The following PDE4D variants were observed in gnomAD, a reference collection of about 807,000 sequenced individuals.
PDE4D encodes the protein phosphodiesterase 4D.
In PDE4D, 24 loss-of-function variants were observed where a neutral mutation model predicts 87.4. That is an observed-to-expected ratio of 0.27 (90% CI 0.20 to 0.39). PDE4D has a LOEUF of 0.39. Ranked by LOEUF, PDE4D falls within the 10% of genes least tolerant of loss-of-function variation. The pLI is 1.00. For missense variants in PDE4D, 714 were observed against 1,041.0 expected, an observed-to-expected ratio of 0.69 and a Z score of 4.32; for synonymous variants, 384 against 383.2, an observed-to-expected ratio of 1.00 and a Z score of -0.02.
chr5:59,914,498 T>G (rs1753784155), intron 3 of PDE4D, among the ~76,000 whole-genome samples: 2 of 151,228 alleles, frequency 1.3e-5, no homozygotes, highest in Non-Finnish European at 2.9e-5. Context: ...TGGAGCAAGT[T>G]GAGGGAGAGA....
chr5:59,385,217 G>C (rs2153604970), intron 1 of PDE4D, among the ~76,000 whole-genome samples: 1 of 152,204 alleles, frequency 6.6e-6, no homozygotes, highest in Admixed American at 6.5e-5. Flanking sequence ...TATTTCCCGT[G>C]TTGATTATTG....
chr5:59,001,424 G>A (rs1034750821), intron 6 of PDE4D, among the ~76,000 whole-genome samples: 2 of 152,010 alleles, frequency 1.3e-5, no homozygotes, highest in Non-Finnish European at 2.9e-5. Flanking sequence ...GTTTCTATTG[G>A]CCTTTAGCTG....
At chr5:59,319,034 T>TA (rs1236320879) in intron 1 of PDE4D, among the ~76,000 whole-genome samples, 1 of 152,010 alleles carries the variant, frequency 6.6e-6, no homozygotes, top group Non-Finnish European at 1.5e-5. Flanking sequence ...GGTATTTAGT[T>TA]AAAAAATCAA....
At chr5:60,358,211 A>G (rs1313414581) in intron 1 of PDE4D, among the ~76,000 whole-genome samples, 1 of 152,198 alleles carries the variant, frequency 6.6e-6, no homozygotes, top group East Asian at 1.9e-4. Flanking sequence ...GTGAGGACTC[A>G]GGTGCAGTAA....
intron 1 of PDE4D, among the ~76,000 whole-genome samples, chr5:59,357,425 A>G (rs112412255): frequency 0.02 from 3,065 of 152,266 alleles, 114 homozygotes; most frequent in African/African-American, 0.07. Context: ...TTCTTAGCCA[A>G]CCTTCCACAG....
chr5:60,204,396 T>G (rs1408809253), intron 1 of PDE4D, among the ~76,000 whole-genome samples: 1 of 152,208 alleles, frequency 6.6e-6, no homozygotes, highest in East Asian at 1.9e-4. Context: ...GGAATAATCC[T>G]ATTTCCAATC....
At chr5:59,792,294 A>C (rs1765881138) in intron 1 of PDE4D, among the ~76,000 whole-genome samples, 1 of 152,204 alleles carries the variant, frequency 6.6e-6, no homozygotes, top group Non-Finnish European at 1.5e-5. Flanking sequence ...CCACAGTAGA[A>C]CCAATACGTG....
At chr5:59,713,758 TG>T (rs1754563597) in intron 1 of PDE4D, among the ~76,000 whole-genome samples, 1 of 152,134 alleles carries the variant, frequency 6.6e-6, no homozygotes, top group African/African-American at 2.4e-5. Context: ...GAGAAAGCAC[TG>T]AAGCAGCTGG....
At chr5:59,531,687 T>C (rs1339158826) in intron 1 of PDE4D, among the ~76,000 whole-genome samples, 2 of 152,134 alleles carry the variant, frequency 1.3e-5, no homozygotes, top group Non-Finnish European at 2.9e-5. Context: ...CCAACAAAGT[T>C]GCATCTGTCT....
At chr5:59,128,810 T>G (rs919121251) in intron 5 of PDE4D, among the ~76,000 whole-genome samples, 2 of 152,210 alleles carry the variant, frequency 1.3e-5, no homozygotes, top group African/African-American at 2.4e-5. Context: ...ACATATGAAA[T>G]GTGCAACATA....
chr5:60,463,729 A>G (rs572878355), intron 1 of PDE4D, among the ~76,000 whole-genome samples: 2 of 152,260 alleles, frequency 1.3e-5, no homozygotes, highest in African/African-American at 4.8e-5. Context: ...TCCCAGAAAG[A>G]GCTGAAGATG....
intron 3 of PDE4D, among the ~76,000 whole-genome samples, chr5:59,954,845 A>G (rs960138746): frequency 7.9e-5 from 12 of 152,232 alleles, no homozygotes; most frequent in African/African-American, 2.7e-4. Flanking sequence ...CTGACGATGT[A>G]ATAAGTGCAC....
chr5:59,833,754 C>T (rs1379981072), intron 1 of PDE4D, among the ~76,000 whole-genome samples: 1 of 151,820 alleles, frequency 6.6e-6, no homozygotes, highest in Non-Finnish European at 1.5e-5. Flanking sequence ...CAGATCTGGT[C>T]TCCTGAAAAA....
chr5:60,411,408 A>G (rs977548635), intron 1 of PDE4D, among the ~76,000 whole-genome samples: 3 of 152,186 alleles, frequency 2.0e-5, no homozygotes, highest in South Asian at 4.1e-4. Context: ...TATTACCACC[A>G]CTGTATGACA....
chr5:59,037,538 A>T (rs1298312964), intron 6 of PDE4D, among the ~76,000 whole-genome samples: 6 of 152,224 alleles, frequency 3.9e-5, no homozygotes, highest in Non-Finnish European at 8.8e-5. Context: ...AAGTCCCAGT[A>T]AGAGAGCAAT....
intron 1 of PDE4D, among the ~76,000 whole-genome samples, chr5:59,662,678 C>G (rs1027951905): frequency 6.6e-6 from 1 of 152,160 alleles, no homozygotes; most frequent in Non-Finnish European, 1.5e-5. Flanking sequence ...AGAAACTGGG[C>G]AAACCACCCT....
intron 1 of PDE4D, among the ~76,000 whole-genome samples, chr5:60,370,253 C>G (rs1760906779): frequency 6.6e-6 from 1 of 152,100 alleles, no homozygotes. Context: ...CAGCCATTGC[C>G]CTGGTGTTCA....
At chr5:59,642,209 G>A (rs1741698810) in intron 1 of PDE4D, among the ~76,000 whole-genome samples, 1 of 151,708 alleles carries the variant, frequency 6.6e-6, no homozygotes, top group African/African-American at 2.4e-5. Context: ...TTTAAGTAAA[G>A]TTTTCTCTGG....
intron 1 of PDE4D, among the ~76,000 whole-genome samples, chr5:59,283,739 A>C (rs1045552268): frequency 2.6e-4 from 39 of 152,056 alleles, no homozygotes; most frequent in African/African-American, 8.9e-4. Flanking sequence ...AGCCCAACTA[A>C]CTCCAAGACA....
Sources: allele counts gnomAD v4.1 joint callset (sites outside exome capture counted in the v4.1 genomes callset), GRCh38; gene constraint gnomAD v4.1.1; transcripts MANE v1.5; gene names NCBI Gene and HGNC (gene_info 2026-07-23, HGNC 2026-07-21).